Variants in GCN1 observed in about 807,000 individuals in gnomAD.
GCN1 encodes GCN1 activator of EIF2AK4.
Under a neutral mutation model 288.4 loss-of-function variants are expected in GCN1, and 90 were observed. That is an observed-to-expected ratio of 0.31 (90% CI 0.26 to 0.37). The LOEUF is 0.37. Ranked by LOEUF, GCN1 falls within the 10% of genes least tolerant of loss-of-function variation. The pLI, the probability that GCN1 is intolerant of heterozygous loss-of-function variation, is 1.00. For missense variants in GCN1, 2,586 were observed against 3,419.9 expected (o/e 0.76, Z 6.08); for synonymous variants, 1,386 against 1,420.2 (o/e 0.98, Z 0.54).
rs1877544453 is a variant in GCN1, at chr12:120,151,284, C to G, written c.4170G>C (p.Lys1390Asn). Residue 1390 changes from lysine (K) to asparagine (N), a missense_variant, in exon 34 of 58, where the codon AAG (lysine) becomes AAC (asparagine). Coordinates refer to ENST00000300648, the MANE Select transcript of GCN1 (RefSeq NM_006836.2). ...RLMQQLLESD[K>N]YAERKGAAYG... ...AGGCGGCCCCTTTGCGCTCTGCGTA[C>G]TTGTCTGACTCCAGCAGCTGCTGCA... 6.2e-7 allele frequency: 1 copy of G among 1,614,096 alleles called. No individual in the cohort carries two copies. The highest frequency in any genetic ancestry group is 1.1e-5 in the South Asian group (1 of 91,086).
rs748336731 is a variant in GCN1, at chr12:120,140,878, T to G, written c.5975A>C (p.Lys1992Thr). 2.5e-6 allele frequency: 4 copies of G among 1,613,852 alleles called. No individual in the cohort carries two copies. In the Admixed American group the frequency reaches 6.7e-5, roughly 27 times the overall value. The part of the protein sequence containing the change: ...GVCIGLSEIM[K>T]STSRDAVLYF... The stretch of plus-strand genomic sequence containing the variant: ...ACTCACGGCATCCCGGCTGGTGGAC[T>G]TCATGATCTCACTTAGGCCAATGCA... Residue 1992 changes from lysine to threonine, a missense_variant, in exon 45 of 58, where the codon AAG becomes ACG. Lys to Thr is a moderately conservative substitution (Grantham distance 78). Around this residue, in one of 8 missense-constraint regions of GCN1, gnomAD observed 437 missense variants for 570.5 expected, o/e 0.77. Transcript: ENST00000300648.
chr12:120,130,447 AAGTT>A (rs1379792652), intron 56 of GCN1, among the ~76,000 whole-genome samples, 195 bp downstream of exon 56: 2 of 152,174 alleles, frequency 1.3e-5, no homozygotes, highest in Non-Finnish European at 2.9e-5. Flanking sequence ...ATCTGACAAA[AAGTT>A]AGGCTTTATT....
At position 120,160,148 on chromosome 12, in the gene GCN1, C is replaced by T. The variant is rs776191154; in HGVS notation, c.2544G>A (p.Leu848=). The T allele has an allele frequency of 1.2e-6, 2 of 1,611,210 alleles. No homozygotes were observed. The highest frequency in any genetic ancestry group is 1.7e-6 in the Non-Finnish European group (2 of 1,178,476). ...GGCGGAGGTGGCCACTCACCTCCTG[C>T]AGCCGCCTCCGGACCTGCGCCTCCC... The part of the protein sequence containing the change: ...LDREAQVRRR[L]QELDGELEAA... The change falls in exon 23 of 58, where the codon CTG becomes CTA. Residue 848 remains leucine (L), a synonymous_variant. Coordinates refer to ENST00000300648, the MANE Select transcript of GCN1 (RefSeq NM_006836.2).
intron 2 of GCN1, among the ~76,000 whole-genome samples, chr12:120,185,339 T>C (rs1878787472): frequency 6.6e-6 from 1 of 152,204 alleles, no homozygotes; most frequent in Admixed American, 6.5e-5. Flanking sequence ...AGAACACCTA[T>C]AACTGGAGTG....
rs764670904 is a variant in GCN1, at chr12:120,175,208, C to T, written c.1047G>A (p.Ser349=). 1.7e-4 allele frequency: 273 copies of T among 1,612,706 alleles called. 1 individual carries two copies. The highest frequency in any genetic ancestry group is 2.1e-4 in the Non-Finnish European group (244 of 1,179,212). ...TKHLFAILGG[S]EGKLTVVAQK... ...GGGCTACAACAGTTAGTTTTCCTTC[C>T]GAGCCTGAGAAGAGAGACAGCAAAG... Residue 349 remains serine, a synonymous_variant, in exon 12 of 58, where the codon TCG becomes TCA. Coordinates refer to ENST00000300648, the MANE Select transcript of GCN1 (RefSeq NM_006836.2).
chr12:120,183,798 A>T, intron 4 of GCN1, 121 bp from the exon 5 acceptor site: 1 of 661,836 alleles, frequency 1.5e-6, no homozygotes, highest in Non-Finnish European at 2.7e-6. Context: ...ACAGAACTTG[A>T]AACAAGTTCC....
chr12:120,131,232 T>A lies in GCN1; in HGVS notation c.7516A>T (p.Ser2506Cys). The change falls in exon 55 of 58, where the codon AGC (serine) becomes TGC (cysteine). Residue 2506 changes from serine to cysteine, a missense_variant. Physicochemically the swap from Ser to Cys is moderately radical, Grantham distance 112. Coordinates refer to ENST00000300648, the MANE Select transcript of GCN1 (RefSeq NM_006836.2). ...AGGATCATTTCCTGAACATCACTGC[T>A]ATATCTGCCGGCACAAAGTCTGCCA... ...APGRLCAGRY[S>C]SDVQEMILSS... 1 of 1,614,140 alleles carries A rather than the reference T, an allele frequency of 6.2e-7. No homozygotes were observed. Among genetic ancestry groups the A allele is most frequent in the Non-Finnish European group, 8.5e-7 (1 of 1,179,998 alleles).
chr12:120,129,317 C>G lies in GCN1; in HGVS notation c.7849G>C (p.Val2617Leu). 6.2e-7 allele frequency: 1 copy of G among 1,614,162 alleles called. No individual in the cohort carries two copies. The highest frequency in any genetic ancestry group is 8.5e-7 in the Non-Finnish European group (1 of 1,180,010). Residue 2617 changes from valine (V) to leucine (L), a missense_variant, in exon 57 of 58, where the codon GTC becomes CTC. Coordinates refer to ENST00000300648, the MANE Select transcript of GCN1 (RefSeq NM_006836.2). Reference sequence around the variant, plus strand: ...CCCTGCCGCATCTTGAGGAGGTTGACAATTGCCTGGTCGCTGTAGGCCCTG... The same window carrying G: ...CCCTGCCGCATCTTGAGGAGGTTGAGAATTGCCTGGTCGCTGTAGGCCCTG... ...VVRAYSDQAI[V>L]NLLKMRQGEE...
chr12:120,170,259 C>G lies in GCN1; in HGVS notation c.1429G>C (p.Ala477Pro), dbSNP rs202163201. Reference protein sequence around the residue: ...PLLIQTVEKAASQSTQVPTIT... With the variant: ...PLLIQTVEKAPSQSTQVPTIT... Reference sequence around the variant, plus strand: ...GTGGGAACCTGAGTGCTTTGGGAGGCTGCCTTCTCCACTGTCTGGATGAGC... The same window carrying G: ...GTGGGAACCTGAGTGCTTTGGGAGGGTGCCTTCTCCACTGTCTGGATGAGC... The change falls in exon 15 of 58, where the codon GCC (alanine) becomes CCC (proline). Residue 477 changes from alanine to proline, a missense_variant. By Grantham distance (27) the Ala-to-Pro change is conservative (BLOSUM62 -1). Around this residue, in one of 8 missense-constraint regions of GCN1, gnomAD observed 913 missense variants for 1,107.0 expected, o/e 0.82. Transcript: ENST00000300648. The G allele has an allele frequency of 2.2e-5, 36 of 1,613,964 alleles. No individual in the cohort carries two copies. The highest frequency in any genetic ancestry group is 1.7e-6 in the Non-Finnish European group (2 of 1,179,928).
intron 9 of GCN1, among the ~76,000 whole-genome samples, chr12:120,177,057 C>T (rs372155622): frequency 7.9e-5 from 12 of 152,246 alleles, no homozygotes; most frequent in African/African-American, 2.4e-4. Flanking sequence ...TGAGCCACCG[C>T]GCCTGGCCTC....
At chr12:120,187,886 T>TG (rs1367510302) in intron 2 of GCN1, among the ~76,000 whole-genome samples, 4 of 95,910 alleles carry the variant, frequency 4.2e-5, no homozygotes, top group African/African-American at 1.8e-4. Context: ...CCAAAAGAAA[T>TG]GAAAAAAAAA....
intron 13 of GCN1, 89 bp from the exon 14 acceptor site, chr12:120,173,915 A>C: frequency 1.7e-6 from 2 of 1,144,462 alleles, no homozygotes; most frequent in Non-Finnish European, 2.6e-6. Flanking sequence ...GCCAGAGTAC[A>C]AGCGGGAGGA....
intron 2 of GCN1, among the ~76,000 whole-genome samples, chr12:120,188,785 C>T (rs903030694): frequency 2.7e-5 from 4 of 148,306 alleles, no homozygotes; most frequent in African/African-American, 1.0e-4. Context: ...GGAAGCAGAG[C>T]GTGCAGTGAG....
Position 120,177,503 on chromosome 12 carries a change from A to T in GCN1, c.782T>A (p.Leu261Gln). 2 of 1,611,988 alleles carry T rather than the reference A, an allele frequency of 1.2e-6. No individual in the cohort carries two copies. Among genetic ancestry groups the T allele is most frequent in the Non-Finnish European group, 1.7e-6 (2 of 1,178,040 alleles). Residue 261 changes from leucine to glutamine, a missense_variant, in exon 9 of 58, where the codon CTG becomes CAG. Physicochemically the swap from Leu to Gln is moderately radical, Grantham distance 113 (BLOSUM62 -2). This residue lies in a region of GCN1 where 913 missense variants were observed against 1,107.0 expected (regional missense o/e 0.82). Coordinates refer to ENST00000300648, the MANE Select transcript of GCN1 (RefSeq NM_006836.2). ...RYLSHSEFKD[L>Q]ILPTIQKSLL... Reference sequence around the variant, plus strand: ...GGACTTCTGTATGGTGGGCAGTATCAGATCCTTAAATTCTGAGTGGGACAG... The same window carrying T: ...GGACTTCTGTATGGTGGGCAGTATCTGATCCTTAAATTCTGAGTGGGACAG...
intron 21 of GCN1, 23 bp from the exon 22 acceptor site, chr12:120,161,606 C>G: frequency 6.4e-7 from 1 of 1,570,608 alleles, no homozygotes. Context: ...AGTGGGTCAT[C>G]AGCCAGCTTG....
rs771168284 is a variant in GCN1 at position 120,184,869 on chromosome 12, A to G, written c.140T>C (p.Val47Ala). ...VAGKDLPEGAVKGLCKLFCLT... is the reference protein window; with the variant it reads ...VAGKDLPEGAAKGLCKLFCLT... ...GCAGAACAATTTGCAGAGCCCCTTC[A>G]CTGCTCCCTCTGGAAGATCTGAAAC... The change falls in exon 3 of 58, where the codon GTG becomes GCG. Residue 47 changes from valine to alanine, a missense_variant. By Grantham distance (64) the Val-to-Ala change is moderately conservative. Around this residue, in one of 8 missense-constraint regions of GCN1, gnomAD observed 913 missense variants for 1,107.0 expected, o/e 0.82. Coordinates refer to ENST00000300648, the MANE Select transcript of GCN1 (RefSeq NM_006836.2). 3.1e-6 allele frequency: 5 copies of G among 1,611,956 alleles called. No individual in the cohort carries two copies. The highest frequency in any genetic ancestry group is 4.2e-6 in the Non-Finnish European group (5 of 1,178,296).
Position 120,137,180 on chromosome 12 carries a change from G to A in GCN1, c.6777+26C>T, listed in dbSNP as rs1877034228. ...GGGCACAACAGACTGCACGCCCACAGCCCCCTGCACGAGGCCCTGGCTTAC... is the reference window on the plus strand; with the variant it reads ...GGGCACAACAGACTGCACGCCCACAACCCCCTGCACGAGGCCCTGGCTTAC... On this transcript the variant is annotated intron_variant, in intron 50 of 57. Transcript: ENST00000300648. This position sits in a 1 kb window ranked among gnomAD's most constrained non-coding sequence, Gnocchi z 5.2. 6.6e-7 allele frequency: 1 copy of A among 1,525,706 alleles called. No homozygotes were observed. The highest frequency in any genetic ancestry group is 1.1e-5 in the South Asian group (1 of 89,300). The allele number at this position is 1,525,706 out of a possible 1,614,324, so 94.5% of individuals were successfully genotyped here. A position where few individuals can be genotyped will look rare whatever the true frequency, so the allele number is the denominator to read the frequency against.
In GCN1 at chr12:120,134,590, T is replaced by C. The variant is rs570118402; in HGVS notation, c.7145A>G (p.Asp2382Gly). 3 of 1,613,790 alleles carry C rather than the reference T, an allele frequency of 1.9e-6. No homozygotes were observed. The highest frequency in any genetic ancestry group is 2.7e-5 in the African/African-American group (2 of 74,886). The change falls in exon 52 of 58, where the codon GAC becomes GGC. Residue 2382 changes from aspartate (D) to glycine (G), a missense_variant. Asp to Gly is a moderately conservative substitution (Grantham distance 94). This residue lies in a region of GCN1 where 355 missense variants were observed against 431.1 expected (regional missense o/e 0.82). Coordinates refer to ENST00000300648, the MANE Select transcript of GCN1 (RefSeq NM_006836.2). The surrounding 1 kb of genome is among the most constrained non-coding windows in gnomAD (Gnocchi z 5.0). Reference sequence around the variant, plus strand: ...ATTGAGCAGCTCTGTGAAGAGGGGGTCCACCTTAATGTGGATGGAAATGAG... The same window carrying C: ...ATTGAGCAGCTCTGTGAAGAGGGGGCCCACCTTAATGTGGATGGAAATGAG... ...GKLISIHIKV[D>G]PLFTELLNGI...
Position 120,158,453 on chromosome 12 carries a change from C to A in GCN1, c.2905+7G>T, listed in dbSNP as rs1391378583. The A allele has an allele frequency of 3.2e-6, 5 of 1,545,928 alleles. No homozygotes were observed. The highest frequency in any genetic ancestry group is 4.4e-6 in the Non-Finnish European group (5 of 1,144,126). On this transcript the variant is annotated splice_region_variant and intron_variant, in intron 25 of 57. Transcript: ENST00000300648. The surrounding 1 kb of genome is among the most constrained non-coding windows in gnomAD (Gnocchi z 4.3). ...CCTGGTGCCCCTGATCCCGTCCCAG[C>A]CCTTACCTGGCTCCCCCTTGCCCAC...
Sources: allele counts gnomAD v4.1 joint callset (sites outside exome capture counted in the v4.1 genomes callset), GRCh38; gene constraint gnomAD v4.1.1; regional missense constraint gnomAD v4.1.1; non-coding constraint Gnocchi (gnomAD v3.1); transcripts MANE v1.5; gene names NCBI Gene and HGNC (gene_info 2026-07-23, HGNC 2026-07-21).